The following KCNK10 variants were observed in gnomAD, a reference collection of about 807,000 sequenced individuals.
KCNK10 encodes potassium channel subfamily K member 10.
A neutral mutation model predicts 47.7 loss-of-function variants in KCNK10; 25 were observed. The observed-to-expected ratio is 0.52, with a 90% CI of 0.38 to 0.73. The LOEUF is 0.73. KCNK10 is among the 30% of genes least tolerant of loss of function. KCNK10 has a pLI of 0.00. For synonymous variants in KCNK10, 303 were observed against 285.6 expected, an observed-to-expected ratio of 1.06 and a Z score of -0.61; for missense variants, 563 against 714.5, an observed-to-expected ratio of 0.79 and a Z score of 2.42.
rs144330085 is a variant in KCNK10, at chr14:88,268,564, A to G, written c.53-5013T>C. On this transcript the variant is annotated intron_variant, in intron 1 of 6. Coordinates refer to ENST00000319231, the MANE Select transcript of KCNK10 (RefSeq NM_138317.3). ...GTGTAGGAACAGGAAAAGAGGAAAC[A>G]TAGCAATTCCAGGGGGAAAGGGCCC... is the stretch of plus-strand genomic sequence containing the variant. Among the ~76,000 whole-genome samples, 274 of 152,354 alleles carry G rather than the reference A, an allele frequency of 1.8e-3. 2 individuals are homozygous for G. The highest frequency in any genetic ancestry group is 6.3e-3 in the African/African-American group (263 of 41,592).
intron 3 of KCNK10, among the ~76,000 whole-genome samples, chr14:88,234,049 CT>C (rs1257103778): frequency 1.3e-5 from 2 of 152,220 alleles, no homozygotes; most frequent in Non-Finnish European, 2.9e-5. Flanking sequence ...GGTTAACAAT[CT>C]GCTGAACACA....
At chr14:88,217,703 T>C (rs746725985) in intron 4 of KCNK10, among the ~76,000 whole-genome samples, 1 of 150,630 alleles carries the variant, frequency 6.6e-6, no homozygotes, top group South Asian at 2.1e-4. Flanking sequence ...TATAGGCACT[T>C]ACCACCTCAC....
At chr14:88,226,116 G>C (rs1205719001) in intron 4 of KCNK10, among the ~76,000 whole-genome samples, 1 of 152,214 alleles carries the variant, frequency 6.6e-6, no homozygotes, top group African/African-American at 2.4e-5. Flanking sequence ...TATATGACAA[G>C]CTCTTTTCCA....
chr14:88,247,325 G>T (rs1408665086), intron 2 of KCNK10, among the ~76,000 whole-genome samples: 1 of 152,118 alleles, frequency 6.6e-6, no homozygotes, highest in African/African-American at 2.4e-5. Context: ...CAATATGGCA[G>T]TCAAGCCTGG....
At chr14:88,321,980 C>A (rs1330731174) in intron 1 of KCNK10, among the ~76,000 whole-genome samples, 2 of 152,174 alleles carry the variant, frequency 1.3e-5, no homozygotes, top group Non-Finnish European at 2.9e-5. Flanking sequence ...CGGTGGCCGA[C>A]GCTAGGCACA....
In KCNK10 at chr14:88,298,533, T is replaced by C. The variant is rs145613922; in HGVS notation, c.52+24214A>G. Among the ~76,000 whole-genome samples the C allele has an allele frequency of 2.6e-4, 40 of 152,320 alleles. No homozygotes were observed. The East Asian group carries it at 7.5e-3, about 29-fold the overall frequency. ...CTCCTCGTAATTTCGGAGAAATGATTGACTCCACTATGCCAGTGGCTAGTG... is the reference window on the plus strand; with the variant it reads ...CTCCTCGTAATTTCGGAGAAATGATCGACTCCACTATGCCAGTGGCTAGTG... On this transcript the variant is annotated intron_variant, in intron 1 of 6. Coordinates refer to ENST00000319231, the MANE Select transcript of KCNK10 (RefSeq NM_138317.3).
At chr14:88,224,256 C>A (rs1885914751) in intron 4 of KCNK10, among the ~76,000 whole-genome samples, 2 of 152,150 alleles carry the variant, frequency 1.3e-5, no homozygotes, top group Admixed American at 1.3e-4. Context: ...ACTAATGCAG[C>A]AGCAAGGTCC....
intron 1 of KCNK10, among the ~76,000 whole-genome samples, chr14:88,302,170 T>C (rs113879505): frequency 0.014 from 2,145 of 152,142 alleles, 46 homozygotes; most frequent in African/African-American, 0.049. Flanking sequence ...ACTATACAGA[T>C]AGATGGCGGT....
rs148562184 is a variant in KCNK10, at chr14:88,222,909, C to G, written c.681+4466G>C. 1.1e-4 allele frequency among the ~76,000 whole-genome samples: 17 copies of G among 152,302 alleles called. No individual in the cohort carries two copies. The East Asian group carries it at 3.1e-3, about 28-fold the overall frequency. ...ACCTGACATTGTGGAGCTGATAGCACAAGCCTGAGTCAACGTACCTCCAGG... is the reference window on the plus strand; with the variant it reads ...ACCTGACATTGTGGAGCTGATAGCAGAAGCCTGAGTCAACGTACCTCCAGG... On this transcript the variant is annotated intron_variant, in intron 4 of 6. Transcript: ENST00000319231.
At chr14:88,192,701 C>T (rs1244169198) in intron 4 of KCNK10, among the ~76,000 whole-genome samples, 1 of 152,288 alleles carries the variant, frequency 6.6e-6, no homozygotes, top group African/African-American at 2.4e-5. Context: ...TGCATGGTTC[C>T]ATGACTGCAG....
intron 1 of KCNK10, among the ~76,000 whole-genome samples, chr14:88,304,331 A>T (rs1341930169): frequency 6.6e-6 from 1 of 152,162 alleles, no homozygotes; most frequent in African/African-American, 2.4e-5. Context: ...ACAAAATAAA[A>T]TGAAATAAAA....
chr14:88,239,968 A>T (rs1169536612), intron 3 of KCNK10, among the ~76,000 whole-genome samples: 1 of 152,132 alleles, frequency 6.6e-6, no homozygotes, highest in African/African-American at 2.4e-5. Flanking sequence ...GAAAAAAAAG[A>T]CACACATACA....
chr14:88,225,301 A>T (rs1885947236), intron 4 of KCNK10, among the ~76,000 whole-genome samples: 1 of 152,340 alleles, frequency 6.6e-6, no homozygotes, highest in East Asian at 1.9e-4. Flanking sequence ...AAATGCATTC[A>T]TTGTGCACTG....
chr14:88,236,375 A>G (rs1214691007), intron 3 of KCNK10, among the ~76,000 whole-genome samples: 1 of 152,194 alleles, frequency 6.6e-6, no homozygotes, highest in African/African-American at 2.4e-5. Context: ...TTTTGTTTCA[A>G]CTATCCTTCA....
At chr14:88,218,610 A>T (rs568204925) in intron 4 of KCNK10, among the ~76,000 whole-genome samples, 1 of 152,064 alleles carries the variant, frequency 6.6e-6, no homozygotes, top group African/African-American at 2.4e-5. Context: ...TACAGGAAAT[A>T]CCAGAAAGCC....
chr14:88,280,185 A>G (rs562322059), intron 1 of KCNK10, among the ~76,000 whole-genome samples: 27 of 152,146 alleles, frequency 1.8e-4, no homozygotes, highest in Non-Finnish European at 5.9e-5. Context: ...TGCTACCGAC[A>G]CAGGGGACAC....
chr14:88,326,562 G>C (rs1209057769), upstream of KCNK10: 1 of 822,272 alleles, frequency 1.2e-6, no homozygotes. Context: ...ACTGCCTAGC[G>C]TTCCTGCGGC....
intron 1 of KCNK10, among the ~76,000 whole-genome samples, chr14:88,292,210 G>C (rs1015625792): frequency 5.5e-4 from 84 of 152,220 alleles, no homozygotes; most frequent in African/African-American, 2.0e-3. Flanking sequence ...AAGCAGCAAA[G>C]CCAGCAGGAA....
Position 88,185,308 on chromosome 14 carries a change from G to T in KCNK10, c.*227C>A, listed in dbSNP as rs1052083716. On this transcript the variant is annotated 3_prime_UTR_variant, in exon 7 of 7. Coordinates refer to ENST00000319231, the MANE Select transcript of KCNK10 (RefSeq NM_138317.3). This position sits in a 1 kb window ranked among gnomAD's most constrained non-coding sequence, Gnocchi z 4.3. ...ACGGCCAGAACCGGCTACGTGCACG[G>T]ACACTCTTGGTGTGTCCTGCGTTTG... The T allele has an allele frequency of 6.8e-6, 4 of 590,084 alleles. No individual in the cohort carries two copies. Among genetic ancestry groups the T allele is most frequent in the Non-Finnish European group, 1.1e-5 (4 of 353,910 alleles). The allele number at this position is 590,084 out of a possible 1,614,324, so 36.6% of individuals were successfully genotyped here. A position where few individuals can be genotyped will look rare whatever the true frequency, so the allele number is the denominator to read the frequency against.
Sources: gnomAD v4.1 joint callset for allele counts (sites outside exome capture counted in the v4.1 genomes callset) on GRCh38, gnomAD v4.1.1 for gene constraint, Gnocchi (gnomAD v3.1) non-coding constraint, MANE v1.5 for transcripts, NCBI Gene and HGNC (gene_info 2026-07-23, HGNC 2026-07-21) for gene names.